TTLL5: variants seen among roughly 807,000 people sequenced by gnomAD.
The protein encoded by TTLL5 is tubulin polyglutamylase TTLL5.
Under a neutral mutation model 168.4 loss-of-function variants are expected in TTLL5, and 132 were observed. The ratio of observed to expected loss-of-function variants is 0.78; its 90% CI spans 0.68 to 0.91. The LOEUF is 0.91. Ranked by LOEUF, TTLL5 falls within the 40% of genes least tolerant of loss-of-function variation. TTLL5 has a pLI of 0.00. For missense variants in TTLL5, 1,545 were observed against 1,581.5 expected (o/e 0.98, Z 0.39); for synonymous variants, 546 against 558.6 (o/e 0.98, Z 0.32).
chr14:75,737,265 A>T (rs564269021), intron 15 of TTLL5, among the ~76,000 whole-genome samples: 3 of 152,234 alleles, frequency 2.0e-5, no homozygotes, highest in South Asian at 4.1e-4. Context: ...TAGATTGGTC[A>T]TGTGTACTGT....
At chr14:75,797,258 G>A (rs567034178) in intron 27 of TTLL5, among the ~76,000 whole-genome samples, 1 of 152,022 alleles carries the variant, frequency 6.6e-6, no homozygotes, top group African/African-American at 2.4e-5. Context: ...CTACTGATTT[G>A]TGTACATTGA....
rs1324549061 is a variant in TTLL5 at position 75,842,737 on chromosome 14, G to A, written c.3327-20930G>A. Among the ~76,000 whole-genome samples the A allele has an allele frequency of 2.0e-5, 3 of 152,318 alleles. No homozygotes were observed. In the East Asian group the frequency reaches 5.8e-4, roughly 29 times the overall value. The stretch of plus-strand genomic sequence containing the variant: ...GGGGTTGGGGAAAGGAGGGAGGAAA[G>A]AGATTATTCACGGTAATGGGAACCA... On this transcript the variant is annotated intron_variant, in intron 28 of 31. Transcript: ENST00000298832.
At chr14:75,812,426 T>C (rs1364131755) in intron 27 of TTLL5, among the ~76,000 whole-genome samples, 1 of 152,226 alleles carries the variant, frequency 6.6e-6, no homozygotes, top group Non-Finnish European at 1.5e-5. Flanking sequence ...TCTTGTTTTT[T>C]TGTTTTTTCG....
At chr14:75,915,631 G>A (rs1259457834) in intron 31 of TTLL5, among the ~76,000 whole-genome samples, 1 of 152,142 alleles carries the variant, frequency 6.6e-6, no homozygotes, top group African/African-American at 2.4e-5. Context: ...TTGCAGGATT[G>A]GGATATGAAG....
intron 26 of TTLL5, among the ~76,000 whole-genome samples, chr14:75,792,101 C>CT (rs1487335275): frequency 6.6e-6 from 1 of 151,372 alleles, no homozygotes; most frequent in East Asian, 1.9e-4. Flanking sequence ...TAAATAATTT[C>CT]TTTTTGCCAG....
At chr14:75,810,124 G>A (rs1016880172) in intron 27 of TTLL5, among the ~76,000 whole-genome samples, 2 of 152,112 alleles carry the variant, frequency 1.3e-5, no homozygotes, top group Non-Finnish European at 2.9e-5. Flanking sequence ...CAAAAGAATG[G>A]CAAGCCCAGA....
chr14:75,717,462 A>G (rs1887544295), intron 9 of TTLL5, among the ~76,000 whole-genome samples: 2 of 152,162 alleles, frequency 1.3e-5, no homozygotes, highest in Non-Finnish European at 2.9e-5. Flanking sequence ...ACAGTATCCT[A>G]CACACAATTT....
At chr14:75,890,757 T>C (rs943467381) in intron 30 of TTLL5, among the ~76,000 whole-genome samples, 1 of 152,200 alleles carries the variant, frequency 6.6e-6, no homozygotes, top group Non-Finnish European at 1.5e-5. Flanking sequence ...TCTCGCCGTG[T>C]CACCCAGGCT....
At chr14:75,777,211 G>A (rs988473678) in intron 23 of TTLL5, among the ~76,000 whole-genome samples, 5 of 152,136 alleles carry the variant, frequency 3.3e-5, no homozygotes, top group Non-Finnish European at 7.4e-5. Flanking sequence ...GGGTAGCAGG[G>A]CTGTAGTTCT....
intron 27 of TTLL5, among the ~76,000 whole-genome samples, chr14:75,807,274 C>G (rs1433517892): frequency 2.0e-5 from 3 of 152,080 alleles, no homozygotes; most frequent in Non-Finnish European, 4.4e-5. Flanking sequence ...ATGGCAAAAC[C>G]CCAACTCCAC....
intron 9 of TTLL5, among the ~76,000 whole-genome samples, chr14:75,708,978 T>G (rs1051933943): frequency 6.6e-6 from 1 of 152,136 alleles, no homozygotes; most frequent in Non-Finnish European, 1.5e-5. Flanking sequence ...TAAAAAAAAT[T>G]GCAAAAAACT....
intron 28 of TTLL5, among the ~76,000 whole-genome samples, chr14:75,842,883 C>T (rs2139853010): frequency 6.6e-6 from 1 of 152,292 alleles, no homozygotes; most frequent in East Asian, 1.9e-4. Flanking sequence ...CATACCTGGA[C>T]ACTTCCTTTG....
At chr14:75,886,814 A>G (rs2032149395) in intron 30 of TTLL5, 1 of 1,573,936 alleles carries the variant, frequency 6.4e-7, no homozygotes, top group African/African-American at 1.3e-5. Flanking sequence ...TCTCTTGTAA[A>G]TGAGCTTTTT....
At position 75,880,138 on chromosome 14, in the gene TTLL5, G is replaced by GGAGA. The variant is rs58469251; in HGVS notation, c.3523-2533_3523-2530dup. 2.1e-3 allele frequency among the ~76,000 whole-genome samples: 314 copies of GGAGA among 150,612 alleles called. 2 individuals carry two copies. Among genetic ancestry groups the GGAGA allele is most frequent in the African/African-American group, 7.1e-3 (291 of 41,082 alleles). On this transcript the variant is annotated intron_variant, in intron 29 of 31. Transcript: ENST00000298832. Reference sequence around the variant, plus strand: ...CCAGAATTGTTCTGTGCAGATACTAGGAGAGAGAGAGAGAGAGTGTGTGTA... The same window carrying GGAGA: ...CCAGAATTGTTCTGTGCAGATACTAGGAGAGAGAGAGAGAGAGAGAGTGTGTGTA...
chr14:75,847,049 T>A (rs969660377), intron 28 of TTLL5, among the ~76,000 whole-genome samples: 2 of 152,038 alleles, frequency 1.3e-5, no homozygotes, highest in Admixed American at 1.3e-4. Context: ...TCGCCCAGGC[T>A]GCAGTATAGT....
At chr14:75,682,903 A>G (rs1299078017) in intron 4 of TTLL5, among the ~76,000 whole-genome samples, 1 of 152,002 alleles carries the variant, frequency 6.6e-6, no homozygotes. Context: ...AGTAGTTGGT[A>G]CTACAGGTGC....
At chr14:75,864,892 AATT>A (rs2139953139) in intron 29 of TTLL5, among the ~76,000 whole-genome samples, 2 of 152,312 alleles carry the variant, frequency 1.3e-5, no homozygotes, top group Middle Eastern at 3.4e-3. Flanking sequence ...TAAGTAAAAC[AATT>A]ATTATTATAG....
chr14:75,859,616 CACT>C (rs1211295016), intron 28 of TTLL5, among the ~76,000 whole-genome samples: 2 of 152,092 alleles, frequency 1.3e-5, no homozygotes, highest in African/African-American at 4.8e-5. Context: ...CAAGGAAAAA[CACT>C]AAATTTTGGA....
intron 18 of TTLL5, among the ~76,000 whole-genome samples, chr14:75,755,988 C>T (rs1890238207): frequency 6.8e-6 from 1 of 146,836 alleles, no homozygotes; most frequent in African/African-American, 2.5e-5. Context: ...CCCCCACCGC[C>T]CCCCACCCCC....
Sources: gnomAD v4.1 joint callset for allele counts (sites outside exome capture counted in the v4.1 genomes callset) on GRCh38, gnomAD v4.1.1 for gene constraint, MANE v1.5 for transcripts, NCBI Gene and HGNC (gene_info 2026-07-23, HGNC 2026-07-21) for gene names.